ADHFE1: variants seen among roughly 807,000 people sequenced by gnomAD.
ADHFE1 encodes the protein alcohol dehydrogenase iron containing 1, also known as hydroxyacid-oxoacid transhydrogenase, mitochondrial.
ADHFE1 carries 37 observed loss-of-function variants against 54.8 expected under a neutral mutation model. The ratio of observed to expected loss-of-function variants is 0.68; its 90% CI spans 0.52 to 0.89. ADHFE1 has a LOEUF of 0.89. Among genes scored for constraint, ADHFE1 ranks in the 40% least tolerant of loss-of-function variants. ADHFE1 has a pLI of 0.00. For missense variants in ADHFE1, 601 were observed against 591.2 expected (o/e 1.02, Z -0.17); for synonymous variants, 203 against 229.3 (o/e 0.89, Z 1.04).
rs140823059 is a variant in ADHFE1, at chr8:66,452,731, A to G, written c.887+626A>G. Among the ~76,000 whole-genome samples, 259 of 152,332 alleles carry G rather than the reference A, an allele frequency of 1.7e-3. 1 individual carries two copies. Among genetic ancestry groups the G allele is most frequent in the South Asian group, 3.5e-3 (17 of 4,828 alleles). On this transcript the variant is annotated intron_variant, in intron 9 of 13. Transcript: ENST00000396623. ...AGGCAGAAAATGTAAAAAGATTCCT[A>G]AGAGGTTGTGACAGATTTATGAATA...
intron 12 of ADHFE1, among the ~76,000 whole-genome samples, chr8:66,458,658 C>A (rs1436510073): frequency 1.3e-5 from 2 of 152,128 alleles, no homozygotes; most frequent in East Asian, 3.9e-4. Flanking sequence ...TAGACAAATT[C>A]CAGGCTGGAA....
chr8:66,442,008 A>G (rs943694886), intron 2 of ADHFE1, among the ~76,000 whole-genome samples: 23 of 152,230 alleles, frequency 1.5e-4, no homozygotes, highest in Admixed American at 9.8e-4. Flanking sequence ...TCACCAAGAT[A>G]AATAAGCTTT....
intron 10 of ADHFE1, among the ~76,000 whole-genome samples, chr8:66,456,423 C>T (rs935938840): frequency 1.3e-5 from 2 of 152,196 alleles, no homozygotes; most frequent in Non-Finnish European, 2.9e-5. Context: ...CCCCCGACAT[C>T]ATCTGGGAGC....
chr8:66,458,885 A>G (rs1009776962), intron 12 of ADHFE1, among the ~76,000 whole-genome samples: 15 of 152,306 alleles, frequency 9.8e-5, no homozygotes, highest in Non-Finnish European at 2.2e-4. Context: ...TCCCAGGAAC[A>G]TTAAAACTTC....
Position 66,468,561 on chromosome 8 carries a change from A to C in ADHFE1, c.*209A>C. The C allele has an allele frequency of 6.1e-6, 2 of 325,748 alleles. No homozygotes were observed. The highest frequency in any genetic ancestry group is 1.1e-5 in the Non-Finnish European group (2 of 178,712). 20.2% of individuals were successfully genotyped at this position (325,748 alleles called of 1,614,324 possible). A position where few individuals can be genotyped will look rare whatever the true frequency, so the allele number is the denominator to read the frequency against. On this transcript the variant is annotated 3_prime_UTR_variant, in exon 14 of 14. Transcript: ENST00000396623. ...GCTGGACAAATGACCACTATGTTAGACCCCCAGGCTCGACTTCAGGGGTCA... is the reference window on the plus strand; with the variant it reads ...GCTGGACAAATGACCACTATGTTAGCCCCCCAGGCTCGACTTCAGGGGTCA...
chr8:66,447,428 T>G, intron 7 of ADHFE1, 87 bp downstream of exon 7: 1 of 1,165,132 alleles, frequency 8.6e-7, no homozygotes, highest in South Asian at 1.4e-5. Context: ...CAAGCAGTTA[T>G]GATACAGTTA....
chr8:66,447,434 A>G lies in ADHFE1; in HGVS notation c.628+93A>G, dbSNP rs375726482. The G allele has an allele frequency of 7.6e-6, 8 of 1,050,848 alleles. No homozygotes were observed. The South Asian group carries it at 1.0e-4, about 13-fold the overall frequency. 65.1% of individuals were successfully genotyped at this position (1,050,848 alleles called of 1,614,324 possible). Reference sequence around the variant, plus strand: ...TTTAAAAATCAAGCAGTTATGATACAGTTAGAATAAGCCCCAATATTCTAT... The same window carrying G: ...TTTAAAAATCAAGCAGTTATGATACGGTTAGAATAAGCCCCAATATTCTAT... On this transcript the variant is annotated intron_variant, in intron 7 of 13. Transcript: ENST00000396623.
At chr8:66,435,340 G>GC (rs964516209) in intron 1 of ADHFE1, among the ~76,000 whole-genome samples, 2 of 152,092 alleles carry the variant, frequency 1.3e-5, no homozygotes, top group African/African-American at 4.8e-5. Context: ...CAAGGTGTGA[G>GC]CAGGGCCACA....
chr8:66,447,146 C>G (rs1456493489), intron 6 of ADHFE1, 118 bp from the exon 7 acceptor site: 1 of 715,238 alleles, frequency 1.4e-6, no homozygotes, highest in Non-Finnish European at 2.3e-6. Flanking sequence ...ATCATGCAAA[C>G]AAGAGGGTCA....
intron 13 of ADHFE1, among the ~76,000 whole-genome samples, chr8:66,463,150 C>T (rs1205455230): frequency 2.0e-5 from 3 of 152,136 alleles, no homozygotes; most frequent in Non-Finnish European, 2.9e-5. Flanking sequence ...AGCTATTCCA[C>T]GTAGCAGCAG....
chr8:66,435,337 T>G (rs1805406186), intron 1 of ADHFE1, among the ~76,000 whole-genome samples: 1 of 152,160 alleles, frequency 6.6e-6, no homozygotes. Flanking sequence ...AGCCAAGGTG[T>G]GAGCAGGGCC....
chr8:66,463,486 C>T (rs901434995), intron 13 of ADHFE1, among the ~76,000 whole-genome samples: 8 of 152,226 alleles, frequency 5.3e-5, no homozygotes, highest in African/African-American at 1.9e-4. Context: ...ATTAAACTAG[C>T]CCTAGGTTCA....
intron 9 of ADHFE1, 115 bp from the exon 10 acceptor site, chr8:66,453,944 T>G: frequency 6.5e-7 from 1 of 1,532,652 alleles, no homozygotes; most frequent in East Asian, 2.3e-5. Context: ...TGATTTTTCT[T>G]CCTACCGAGT....
At chr8:66,456,937 C>T (rs1806617166) in intron 11 of ADHFE1, 42 bp downstream of exon 11, 1 of 1,449,594 alleles carries the variant, frequency 6.9e-7, no homozygotes, top group East Asian at 2.4e-5. Flanking sequence ...ATATTATAAT[C>T]ATCCCAATTT....
intron 5 of ADHFE1, 149 bp from the exon 6 acceptor site, chr8:66,445,069 G>A: frequency 1.3e-6 from 1 of 775,956 alleles, no homozygotes; most frequent in South Asian, 2.0e-5. Context: ...CTACTGCACT[G>A]CAGCCTGGGC....
intron 10 of ADHFE1, 106 bp from the exon 11 acceptor site, chr8:66,456,711 A>T (rs993408934): frequency 1.3e-6 from 1 of 764,906 alleles, no homozygotes; most frequent in Admixed American, 2.6e-5. Flanking sequence ...TCAGGTAATG[A>T]TACTGTCTAG....
rs2130308962 is a variant in ADHFE1 at position 66,432,589 on chromosome 8, C to CGGCG, written c.59+22_59+25dup. ...GCAACGCGCAGCGTGAGTGCGGGGC[C>CGGCG]GGCGGGCGGGCAGGGGACCGCAGGG... is the stretch of plus-strand genomic sequence containing the variant. On this transcript the variant is annotated intron_variant, in intron 1 of 13. Transcript: ENST00000396623. 9.9e-6 allele frequency: 13 copies of CGGCG among 1,307,270 alleles called. No individual in the cohort carries two copies. The highest frequency in any genetic ancestry group is 3.1e-5 in the East Asian group (1 of 32,436). 81.0% of individuals were successfully genotyped at this position (1,307,270 alleles called of 1,614,324 possible).
In ADHFE1 at chr8:66,452,246, C is replaced by T. The variant is rs1411025455; in HGVS notation, c.887+141C>T. Reference sequence around the variant, plus strand: ...TCAGTGGATGCGCAGAAGCCCCAGACACCAGCAGCCTCTGGAGGGACCCAA... The same window carrying T: ...TCAGTGGATGCGCAGAAGCCCCAGATACCAGCAGCCTCTGGAGGGACCCAA... On this transcript the variant is annotated intron_variant, in intron 9 of 13. Coordinates refer to ENST00000396623, the MANE Select transcript of ADHFE1 (RefSeq NM_144650.3). 6.7e-6 allele frequency: 8 copies of T among 1,193,906 alleles called. No individual in the cohort carries two copies. The African/African-American group carries it at 9.3e-5, about 14-fold the overall frequency. 74.0% of individuals were successfully genotyped at this position (1,193,906 alleles called of 1,614,324 possible). A position where few individuals can be genotyped will look rare whatever the true frequency, so the allele number is the denominator to read the frequency against.
chr8:66,439,115 C>A lies in ADHFE1; in HGVS notation c.60-1047C>A. On this transcript the variant is annotated intron_variant, in intron 1 of 13. Coordinates refer to ENST00000396623, the MANE Select transcript of ADHFE1 (RefSeq NM_144650.3). This position sits in a 1 kb window ranked among gnomAD's most constrained non-coding sequence, Gnocchi z 4.4. Reference sequence around the variant, plus strand: ...AGATGGCAGCCGCGACTCGCGCCAGCTCTCACTCGCCCCCGCGTCTGCTTT... The same window carrying A: ...AGATGGCAGCCGCGACTCGCGCCAGATCTCACTCGCCCCCGCGTCTGCTTT... The A allele has an allele frequency of 1.1e-6, 1 of 899,878 alleles. No homozygotes were observed. Among genetic ancestry groups the A allele is most frequent in the Non-Finnish European group, 1.3e-6 (1 of 751,966 alleles). The allele number at this position is 899,878 out of a possible 1,614,324, so 55.7% of individuals were successfully genotyped here.
Sources: allele counts gnomAD v4.1 joint callset (sites outside exome capture counted in the v4.1 genomes callset), GRCh38; gene constraint gnomAD v4.1.1; non-coding constraint Gnocchi (gnomAD v3.1); transcripts MANE v1.5; gene names NCBI Gene and HGNC (gene_info 2026-07-23, HGNC 2026-07-21).